PHACTR1: variants seen among roughly 807,000 people sequenced by gnomAD.
PHACTR1 encodes the protein phosphatase and actin regulator 1.
Under a neutral mutation model 69.2 loss-of-function variants are expected in PHACTR1, and 16 were observed. The observed-to-expected ratio is 0.23, with a 90% CI of 0.16 to 0.35. The LOEUF (loss-of-function observed/expected upper bound fraction) is 0.35. Among genes scored for constraint, PHACTR1 ranks in the 10% least tolerant of loss-of-function variants. The probability of loss-of-function intolerance (pLI) is 1.00; values close to 1 mark genes in which losing one functional copy is unlikely to be tolerated. For synonymous variants in PHACTR1, 312 were observed against 284.5 expected, an observed-to-expected ratio of 1.10 and a Z score of -0.97; for missense variants, 510 against 734.7, an observed-to-expected ratio of 0.69 and a Z score of 3.54.
intron 5 of PHACTR1, among the ~76,000 whole-genome samples, chr6:13,103,384 T>C (rs1191301470): frequency 1.3e-5 from 2 of 152,214 alleles, no homozygotes; most frequent in Admixed American, 1.3e-4. Flanking sequence ...TGGTTTGTTA[T>C]TGTTGTGAGA....
In PHACTR1 at chr6:13,005,898, C is replaced by T. The variant is rs546723893; in HGVS notation, c.251-47467C>T. ...ATGTTGCATGTGTAACTAAAGTTCT[C>T]ACACTTGGAAAAAGGGCCACTCCAC... On this transcript the variant is annotated intron_variant, in intron 4 of 14. Coordinates refer to ENST00000332995, the MANE Select transcript of PHACTR1 (RefSeq NM_030948.6). 1.8e-4 allele frequency among the ~76,000 whole-genome samples: 27 copies of T among 152,026 alleles called. No individual in the cohort carries two copies. The South Asian group carries it at 4.6e-3, about 26-fold the overall frequency.
intron 4 of PHACTR1, among the ~76,000 whole-genome samples, chr6:12,762,170 A>G (rs1444654933): frequency 6.6e-6 from 1 of 152,234 alleles, no homozygotes; most frequent in Non-Finnish European, 1.5e-5. Flanking sequence ...AAAAGGCAGA[A>G]GCAAATTTAT....
At chr6:12,842,198 CT>C (rs759001200) in intron 4 of PHACTR1, among the ~76,000 whole-genome samples, 4 of 152,186 alleles carry the variant, frequency 2.6e-5, no homozygotes, top group African/African-American at 9.7e-5. Context: ...TGAAACATTT[CT>C]GAAAACATCC....
chr6:13,185,998 A>G (rs1762781715), intron 7 of PHACTR1, among the ~76,000 whole-genome samples: 2 of 152,194 alleles, frequency 1.3e-5, no homozygotes, highest in African/African-American at 4.8e-5. Context: ...TTGTTTCCAG[A>G]GCAGGCTGTC....
chr6:12,964,516 G>T (rs1192680099), intron 4 of PHACTR1, among the ~76,000 whole-genome samples: 1 of 152,190 alleles, frequency 6.6e-6, no homozygotes, highest in African/African-American at 2.4e-5. Flanking sequence ...ATTCACAGGG[G>T]AAGGCACGCC....
At chr6:13,240,240 A>G (rs1772632115) in intron 10 of PHACTR1, among the ~76,000 whole-genome samples, 1 of 152,140 alleles carries the variant, frequency 6.6e-6, no homozygotes, top group South Asian at 2.1e-4. Context: ...GCATGGTCAC[A>G]TTTTAAGAGG....
intron 4 of PHACTR1, among the ~76,000 whole-genome samples, chr6:12,761,102 C>T (rs555145712): frequency 6.6e-6 from 1 of 152,310 alleles, no homozygotes; most frequent in East Asian, 1.9e-4. Flanking sequence ...ACCTCTGAAA[C>T]TTGTAACGTG....
rs556762281 is a variant in PHACTR1, at chr6:12,759,654, A to G, written c.250+9864A>G. Among the ~76,000 whole-genome samples the G allele has an allele frequency of 4.1e-4, 63 of 152,310 alleles. No homozygotes were observed. In the South Asian group the frequency reaches 0.012, roughly 28 times the overall value. Reference sequence around the variant, plus strand: ...TTCTTTTACAGTCAGAAGGAAAAAAATGAATGTAATCCAACCCATGGATTA... The same window carrying G: ...TTCTTTTACAGTCAGAAGGAAAAAAGTGAATGTAATCCAACCCATGGATTA... On this transcript the variant is annotated intron_variant, in intron 4 of 14. Coordinates refer to ENST00000332995, the MANE Select transcript of PHACTR1 (RefSeq NM_030948.6).
intron 5 of PHACTR1, among the ~76,000 whole-genome samples, chr6:13,080,223 G>C (rs1467547918): frequency 1.3e-5 from 2 of 152,096 alleles, no homozygotes; most frequent in African/African-American, 2.4e-5. Context: ...TCCTGACTTA[G>C]AAGATTTGAA....
At chr6:12,754,322 A>G (rs1380742518) in intron 4 of PHACTR1, among the ~76,000 whole-genome samples, 5 of 152,034 alleles carry the variant, frequency 3.3e-5, no homozygotes, top group Admixed American at 1.3e-4. Flanking sequence ...TGCTTCACCA[A>G]CCTAAAGGTT....
intron 4 of PHACTR1, among the ~76,000 whole-genome samples, chr6:12,762,924 A>C (rs561427417): frequency 1.3e-5 from 2 of 152,198 alleles, no homozygotes; most frequent in Admixed American, 6.5e-5. Flanking sequence ...TTCATAGAAC[A>C]GCAGTCAGGC....
intron 4 of PHACTR1, among the ~76,000 whole-genome samples, chr6:13,048,812 G>C (rs777298692): frequency 1.3e-5 from 2 of 152,180 alleles, no homozygotes; most frequent in Non-Finnish European, 2.9e-5. Flanking sequence ...GATTATAGGC[G>C]TGAGCCACCG....
At chr6:13,085,329 A>T (rs189178007) in intron 5 of PHACTR1, among the ~76,000 whole-genome samples, 1 of 152,038 alleles carries the variant, frequency 6.6e-6, no homozygotes, top group Non-Finnish European at 1.5e-5. Flanking sequence ...AATTAACCAT[A>T]AAAAAAGTAT....
chr6:13,269,013 A>G (rs1777222948), intron 10 of PHACTR1, among the ~76,000 whole-genome samples: 1 of 152,192 alleles, frequency 6.6e-6, no homozygotes, highest in Non-Finnish European at 1.5e-5. Context: ...AGGGGAGGCC[A>G]CCACAGAGCC....
intron 4 of PHACTR1, among the ~76,000 whole-genome samples, chr6:12,959,203 A>AAAG (rs1240548003): frequency 0.2 from 15,069 of 74,894 alleles, 825 homozygotes; most frequent in African/African-American, 0.31. Flanking sequence ...AAAGAAAAGA[A>AAAG]AAAAAAAAGA....
intron 5 of PHACTR1, among the ~76,000 whole-genome samples, chr6:13,159,392 T>A (rs1330444641): frequency 1.3e-5 from 2 of 152,140 alleles, no homozygotes; most frequent in Admixed American, 6.5e-5. Context: ...CACCATTTTT[T>A]AAAATAGTTG....
chr6:12,789,562 C>G (rs1771972389), intron 4 of PHACTR1, among the ~76,000 whole-genome samples: 1 of 152,042 alleles, frequency 6.6e-6, no homozygotes, highest in Admixed American at 6.6e-5. Flanking sequence ...ACTCTATACT[C>G]ACACAGCTGA....
chr6:13,159,966 T>C (rs144516978), intron 5 of PHACTR1, among the ~76,000 whole-genome samples: 58 of 152,184 alleles, frequency 3.8e-4, no homozygotes, highest in African/African-American at 1.3e-3. Context: ...GCCTACCCTG[T>C]CATAGGTGGT....
intron 5 of PHACTR1, among the ~76,000 whole-genome samples, chr6:13,133,506 G>A (rs1421218825): frequency 5.3e-5 from 8 of 151,888 alleles, no homozygotes; most frequent in Non-Finnish European, 1.0e-4. Context: ...CGTGTTGGCC[G>A]GGCTGGTCTC....
Sources: gnomAD v4.1 joint callset for allele counts (sites outside exome capture counted in the v4.1 genomes callset) on GRCh38, gnomAD v4.1.1 for gene constraint, MANE v1.5 for transcripts, NCBI Gene and HGNC (gene_info 2026-07-23, HGNC 2026-07-21) for gene names.